RBM20: variants seen among roughly 807,000 people sequenced by gnomAD.
RBM20 encodes the protein RNA-binding protein 20.
A neutral mutation model predicts 110.1 loss-of-function variants in RBM20; 51 were observed. The observed-to-expected ratio is 0.46, with a 90% CI of 0.37 to 0.59. The LOEUF (loss-of-function observed/expected upper bound fraction) is 0.59. Ranked by LOEUF, RBM20 falls within the 20% of genes least tolerant of loss-of-function variation. RBM20 has a pLI of 0.00. For synonymous variants in RBM20, 589 were observed against 618.2 expected (o/e 0.95, Z 0.70); for missense variants, 1,512 against 1,574.9 (o/e 0.96, Z 0.68).
At position 110,781,466 on chromosome 10, in the gene RBM20, A is replaced by G. The variant is rs1844346422; in HGVS notation, c.857A>G (p.Asn286Ser). The part of the protein sequence containing the change: ...AAFSKDFYGP[N>S]SQGSHVASGF... The stretch of plus-strand genomic sequence containing the variant: ...TTTTCCAAAGATTTTTACGGACCCA[A>G]CTCCCAAGGTTCACATGTGGCCAGC... Residue 286 changes from asparagine to serine, a missense_variant, in exon 2 of 14, where the codon AAC (asparagine) becomes AGC (serine). Asn to Ser is a conservative substitution (Grantham distance 46). Coordinates refer to ENST00000369519, the MANE Select transcript of RBM20 (RefSeq NM_001134363.3). The G allele has an allele frequency of 1.3e-6, 2 of 1,551,274 alleles. No homozygotes were observed. The highest frequency in any genetic ancestry group is 2.7e-5 in the African/African-American group (2 of 72,992).
chr10:110,826,755 G>T (rs10736209), intron 12 of RBM20, among the ~76,000 whole-genome samples: 78,002 of 151,536 alleles, frequency 0.51, 20,511 homozygotes, highest in East Asian at 0.74. Context: ...GCTAGTTTTT[G>T]GTCTTTTTTT....
In RBM20 at chr10:110,702,576, A is replaced by G. The variant is rs556882009; in HGVS notation, c.191+57931A>G. ...ATGAAGTTGAAAGCATGTGAAGTTT[A>G]TGATTGGCTTTGTGATCGGAAGGAT... On this transcript the variant is annotated intron_variant, in intron 1 of 13. Coordinates refer to ENST00000369519, the MANE Select transcript of RBM20 (RefSeq NM_001134363.3). Among the ~76,000 whole-genome samples the G allele has an allele frequency of 1.8e-4, 27 of 152,352 alleles. No homozygotes were observed. The South Asian group carries it at 5.6e-3, about 32-fold the overall frequency.
intron 1 of RBM20, among the ~76,000 whole-genome samples, chr10:110,680,888 C>A (rs1862414286): frequency 6.6e-6 from 1 of 152,182 alleles, no homozygotes; most frequent in African/African-American, 2.4e-5. Flanking sequence ...CTCCCCTCTC[C>A]CCACTCATTT....
chr10:110,747,896 T>C (rs138824967), intron 1 of RBM20, among the ~76,000 whole-genome samples: 14 of 54,192 alleles, frequency 2.6e-4, no homozygotes, highest in African/African-American at 7.0e-4. Context: ...AAGAGAAAAC[T>C]TTTTAGAAAG....
intron 1 of RBM20, among the ~76,000 whole-genome samples, chr10:110,727,925 G>T (rs1488317974): frequency 6.6e-6 from 1 of 152,130 alleles, no homozygotes; most frequent in Non-Finnish European, 1.5e-5. Context: ...TCCTGTGTTA[G>T]TTTGCTGAGG....
At chr10:110,753,788 A>G (rs548479914) in intron 1 of RBM20, among the ~76,000 whole-genome samples, 2 of 152,298 alleles carry the variant, frequency 1.3e-5, no homozygotes, top group East Asian at 1.9e-4. Flanking sequence ...CTAGGGGGGA[A>G]TCTTTTCTTT....
Position 110,831,061 on chromosome 10 carries a change from G to C in RBM20, c.3452G>C (p.Gly1151Ala), listed in dbSNP as rs1185476843. ...GTGTCTATCCCCCATCCTTTCCCAG[G>C]GGTGGAGTTCGTGGTTCCCAGGACT... ...DVFSELSIPL[G>A]VEFVVPRTGF... is the part of the protein sequence containing the mutation. The change falls in exon 13 of 14, where the codon GGG becomes GCG. Residue 1151 changes from glycine (G) to alanine (A), a missense_variant and splice_region_variant. Coordinates refer to ENST00000369519, the MANE Select transcript of RBM20 (RefSeq NM_001134363.3). 3.2e-6 allele frequency: 5 copies of C among 1,550,156 alleles called. No individual in the cohort carries two copies. The highest frequency in any genetic ancestry group is 1.4e-5 in the African/African-American group (1 of 73,012).
intron 1 of RBM20, among the ~76,000 whole-genome samples, chr10:110,686,542 T>C (rs1237812176): frequency 6.6e-6 from 1 of 152,062 alleles, no homozygotes; most frequent in Non-Finnish European, 1.5e-5. Flanking sequence ...GGAAGGTTGC[T>C]TGAGCCCAGG....
chr10:110,798,090 CA>C (rs1440702584), intron 6 of RBM20, among the ~76,000 whole-genome samples: 1 of 152,168 alleles, frequency 6.6e-6, no homozygotes, highest in Non-Finnish European at 1.5e-5. Flanking sequence ...TTGATGTCAG[CA>C]GGTGAGGCCC....
intron 1 of RBM20, among the ~76,000 whole-genome samples, chr10:110,759,283 T>C (rs1445578695): frequency 2.0e-5 from 3 of 152,114 alleles, no homozygotes; most frequent in Non-Finnish European, 4.4e-5. Flanking sequence ...ATACAACTCC[T>C]CCATCATCCT....
At chr10:110,676,717 T>C (rs1322276717) in intron 1 of RBM20, among the ~76,000 whole-genome samples, 1 of 152,242 alleles carries the variant, frequency 6.6e-6, no homozygotes, top group Non-Finnish European at 1.5e-5. Context: ...TCCTTGGTTG[T>C]GACAAACCTA....
intron 1 of RBM20, among the ~76,000 whole-genome samples, chr10:110,671,661 G>A (rs576358666): frequency 1.3e-5 from 2 of 152,052 alleles, no homozygotes; most frequent in South Asian, 2.1e-4. Context: ...TTGTGCGCTC[G>A]TGAAACAAAC....
intron 1 of RBM20, among the ~76,000 whole-genome samples, chr10:110,727,076 G>C (rs1250124198): frequency 4.7e-5 from 7 of 148,736 alleles, no homozygotes; most frequent in Non-Finnish European, 8.9e-5. Flanking sequence ...TCAAACTCCT[G>C]ACCTCAAGTG....
chr10:110,828,356 T>A (rs942439887), intron 12 of RBM20, among the ~76,000 whole-genome samples: 7 of 152,180 alleles, frequency 4.6e-5, no homozygotes, highest in African/African-American at 1.4e-4. Flanking sequence ...GCAACCCCCA[T>A]TTATTCTGGG....
chr10:110,775,581 C>T (rs1844250699), intron 1 of RBM20, among the ~76,000 whole-genome samples: 1 of 152,182 alleles, frequency 6.6e-6, no homozygotes, highest in Admixed American at 6.5e-5. Context: ...CATCCCCATG[C>T]CTGCTGCCTC....
intron 1 of RBM20, among the ~76,000 whole-genome samples, chr10:110,664,387 A>C (rs1862148468): frequency 6.6e-6 from 1 of 152,252 alleles, no homozygotes; most frequent in Non-Finnish European, 1.5e-5. Flanking sequence ...CATTAAAAAT[A>C]ATAACTATAG....
chr10:110,715,936 G>A (rs1346513934), intron 1 of RBM20, among the ~76,000 whole-genome samples: 1 of 152,188 alleles, frequency 6.6e-6, no homozygotes, highest in East Asian at 1.9e-4. Context: ...CCCCCTGTGT[G>A]CCCAGAAGAA....
chr10:110,645,471 A>G (rs1305680352), intron 1 of RBM20, among the ~76,000 whole-genome samples: 1 of 152,250 alleles, frequency 6.6e-6, no homozygotes, highest in Non-Finnish European at 1.5e-5. Context: ...CTTCAAAACT[A>G]GTTTAATAAG....
chr10:110,792,491 T>A (rs2135064111), intron 5 of RBM20, among the ~76,000 whole-genome samples: 1 of 152,330 alleles, frequency 6.6e-6, no homozygotes, highest in Non-Finnish European at 1.5e-5. Context: ...GTGGAATCAA[T>A]TTTTATTACC....
Sources: gnomAD v4.1 joint callset for allele counts (sites outside exome capture counted in the v4.1 genomes callset) on GRCh38, gnomAD v4.1.1 for gene constraint, MANE v1.5 for transcripts, NCBI Gene and HGNC (gene_info 2026-07-23, HGNC 2026-07-21) for gene names.